Variants in PCDHA1 observed in about 807,000 individuals in gnomAD.
The protein encoded by PCDHA1 is protocadherin alpha 1.
Under a neutral mutation model 61.3 loss-of-function variants are expected in PCDHA1, and 42 were observed. That is an observed-to-expected ratio of 0.69 (90% CI 0.54 to 0.89). PCDHA1 has a LOEUF of 0.89. Among genes scored for constraint, PCDHA1 ranks in the 40% least tolerant of loss-of-function variants. The pLI is 0.00. For synonymous variants in PCDHA1, 610 were observed against 553.8 expected (o/e 1.10, Z -1.43); for missense variants, 1,256 against 1,235.3 (o/e 1.02, Z -0.25).
At chr5:140,927,882 G>A in intron 1 of PCDHA1, 2 of 1,614,224 alleles carry the variant, frequency 1.2e-6, no homozygotes, top group Non-Finnish European at 1.7e-6. Context: ...TGGTGGAGGT[G>A]ACTGACGTGA....
intron 1 of PCDHA1, among the ~76,000 whole-genome samples, chr5:140,892,990 G>T (rs782084236): frequency 1.3e-5 from 2 of 152,164 alleles, no homozygotes; most frequent in African/African-American, 2.4e-5. Context: ...GTATAAGTGA[G>T]AACATGTATT....
intron 1 of PCDHA1, among the ~76,000 whole-genome samples, chr5:140,909,031 A>G (rs782567758): frequency 7.9e-5 from 12 of 152,106 alleles, no homozygotes; most frequent in Non-Finnish European, 1.6e-4. Flanking sequence ...TTAGTCATTT[A>G]TTTTCCATAC....
chr5:140,796,294 G>A (rs539789047), intron 1 of PCDHA1: 2 of 1,614,094 alleles, frequency 1.2e-6, no homozygotes, highest in African/African-American at 2.7e-5. Flanking sequence ...CGTGTCCATC[G>A]AGGTGGCCGA....
intron 1 of PCDHA1, chr5:140,815,925 G>T (rs1464876643): frequency 1.3e-5 from 2 of 152,112 alleles, no homozygotes; most frequent in Non-Finnish European, 2.9e-5. Context: ...GGATGGCAAG[G>T]TTTCTACTGA....
intron 1 of PCDHA1, among the ~76,000 whole-genome samples, chr5:140,820,193 G>C (rs2150106192): frequency 6.6e-6 from 1 of 151,842 alleles, no homozygotes; most frequent in Non-Finnish European, 1.5e-5. Context: ...ATTGATTTGT[G>C]TTTCAACGAT....
chr5:140,926,944 G>A, intron 1 of PCDHA1: 1 of 1,588,324 alleles, frequency 6.3e-7, no homozygotes, highest in Non-Finnish European at 8.6e-7. Flanking sequence ...CTGCGGCGCT[G>A]CAGCGGGACA....
chr5:140,832,984 G>C (rs1373514352), intron 1 of PCDHA1, among the ~76,000 whole-genome samples: 1 of 152,156 alleles, frequency 6.6e-6, no homozygotes, highest in Non-Finnish European at 1.5e-5. Context: ...CTAGAAATGA[G>C]GAATAGTCCA....
At position 140,848,698 on chromosome 5, in the gene PCDHA1, C is replaced by T. The variant is rs17844321; in HGVS notation, c.2394+60014C>T. On this transcript the variant is annotated intron_variant, in intron 1 of 3. Coordinates refer to ENST00000504120, the MANE Select transcript of PCDHA1 (RefSeq NM_018900.4). The stretch of plus-strand genomic sequence containing the variant: ...GTGCCGCGCCTGTTCCAGTTGGATT[C>T]CAAAGGCCGCGGGGACCTTCTGGAG... 1,049 of 1,592,348 alleles carry T rather than the reference C, an allele frequency of 6.6e-4. 38 individuals are homozygous for T. The East Asian group carries it at 0.022, about 33-fold the overall frequency.
rs1554119900 is a variant in PCDHA1 at position 140,796,443 on chromosome 5, G to A, written c.2394+7759G>A. The A allele has an allele frequency of 3.1e-6, 5 of 1,613,338 alleles. No homozygotes were observed. In the South Asian group the frequency reaches 4.4e-5, roughly 14 times the overall value. ...AGGAGAACGCGCTGGTGTCCTACTC[G>A]CTGGTGGAGCGGCGGGTGGGCGAGC... On this transcript the variant is annotated intron_variant, in intron 1 of 3. Coordinates refer to ENST00000504120, the MANE Select transcript of PCDHA1 (RefSeq NM_018900.4).
At chr5:140,989,747 G>A (rs1554251066) in intron 3 of PCDHA1, among the ~76,000 whole-genome samples, 1 of 152,166 alleles carries the variant, frequency 6.6e-6, no homozygotes, top group African/African-American at 2.4e-5. Flanking sequence ...TGCCTAATCT[G>A]GAGAAACATA....
intron 1 of PCDHA1, chr5:140,808,322 A>G (rs1226675581): frequency 6.2e-7 from 1 of 1,614,108 alleles, no homozygotes; most frequent in Admixed American, 1.7e-5. Context: ...CGACAAAGAC[A>G]TGGGTGTCAA....
Position 140,938,896 on chromosome 5 carries a change from C to T in PCDHA1, c.2395-40053C>T, listed in dbSNP as rs188490743. 3.9e-5 allele frequency among the ~76,000 whole-genome samples: 6 copies of T among 152,036 alleles called. 1 individual carries two copies. The East Asian group carries it at 1.2e-3, about 29-fold the overall frequency. The stretch of plus-strand genomic sequence containing the variant: ...GAAGCAACACACACACACACAGATG[C>T]GCACACACACACACGCACAAGAAAT... On this transcript the variant is annotated intron_variant, in intron 1 of 3. Transcript: ENST00000504120.
intron 1 of PCDHA1, chr5:140,869,236 G>C (rs781873875): frequency 1.2e-6 from 2 of 1,613,674 alleles, no homozygotes; most frequent in South Asian, 2.2e-5. Flanking sequence ...CGGCACCTTC[G>C]TGGGCCGCAT....
At chr5:140,965,716 C>T (rs75761543) in intron 1 of PCDHA1, among the ~76,000 whole-genome samples, 2,507 of 152,272 alleles carry the variant, frequency 0.016, 70 homozygotes, top group African/African-American at 0.056. Flanking sequence ...AGAAGAATCT[C>T]TTTAAAAATT....
At chr5:140,842,027 AATG>A (rs2150327621) in intron 1 of PCDHA1, 1 of 1,613,850 alleles carries the variant, frequency 6.2e-7, no homozygotes, top group East Asian at 2.2e-5. Flanking sequence ...GCTGGATGTG[AATG>A]ATAATGCTCC....
chr5:140,870,845 C>T lies in PCDHA1; in HGVS notation c.2394+82161C>T, dbSNP rs782454963. ...GGAGGCGCAGTTAACAAGCTAGTAC[C>T]GCGGTCGGTGGGTGCGGGCCACGTG... On this transcript the variant is annotated intron_variant, in intron 1 of 3. Transcript: ENST00000504120. The T allele has an allele frequency of 5.0e-6, 8 of 1,613,718 alleles. No individual in the cohort carries two copies. The highest frequency in any genetic ancestry group is 6.8e-6 in the Non-Finnish European group (8 of 1,179,896).
rs781992926 is a variant in PCDHA1 at position 140,990,008 on chromosome 5, G to A, written c.2542+7445G>A. On this transcript the variant is annotated intron_variant, in intron 3 of 3. Coordinates refer to ENST00000504120, the MANE Select transcript of PCDHA1 (RefSeq NM_018900.4). ...CCTGAAATTGTCTATCTCCAAGGGCGTGGGCTAGGCAAAGGATGGGAGAAG... is the reference window on the plus strand; with the variant it reads ...CCTGAAATTGTCTATCTCCAAGGGCATGGGCTAGGCAAAGGATGGGAGAAG... Among the ~76,000 whole-genome samples the A allele has an allele frequency of 2.8e-4, 43 of 152,230 alleles. 1 individual carries two copies. The highest frequency in any genetic ancestry group is 9.1e-4 in the African/African-American group (38 of 41,532).
At chr5:140,882,607 T>C (rs1313419888) in intron 1 of PCDHA1, 35 of 1,614,242 alleles carry the variant, frequency 2.2e-5, no homozygotes, top group Non-Finnish European at 3.0e-5. Flanking sequence ...TGGACAGGCC[T>C]CTGCAGGTTT....
chr5:140,996,403 G>A (rs2097725218), intron 3 of PCDHA1, among the ~76,000 whole-genome samples: 2 of 152,216 alleles, frequency 1.3e-5, no homozygotes, highest in South Asian at 4.1e-4. Context: ...AGTTTCAGGT[G>A]GGGCAGGCAG....
Sources: gnomAD v4.1 joint callset for allele counts (sites outside exome capture counted in the v4.1 genomes callset) on GRCh38, gnomAD v4.1.1 for gene constraint, MANE v1.5 for transcripts, NCBI Gene and HGNC (gene_info 2026-07-23, HGNC 2026-07-21) for gene names.